Variants in H6PD observed in about 807,000 individuals in gnomAD.
H6PD encodes hexose-6-phosphate dehydrogenase/glucose 1-dehydrogenase.
In H6PD, 48 loss-of-function variants were observed where a neutral mutation model predicts 61.2. That is an observed-to-expected ratio of 0.78 (90% confidence interval 0.62 to 1.00). The LOEUF (loss-of-function observed/expected upper bound fraction) is 1.00, where lower values mean the gene tolerates loss of function less well. Ranked by LOEUF, H6PD falls within the 50% of genes least tolerant of loss-of-function variation. H6PD has a pLI of 0.00. For synonymous variants in H6PD, 480 were observed against 457.9 expected, an observed-to-expected ratio of 1.05 and a Z score of -0.62; for missense variants, 1,093 against 1,065.0, an observed-to-expected ratio of 1.03 and a Z score of -0.37.
At chr1:9,240,814 A>G (rs141841108) in intron 1 of H6PD, among the ~76,000 whole-genome samples, 12 of 152,310 alleles carry the variant, frequency 7.9e-5, no homozygotes, top group African/African-American at 2.9e-4. Context: ...AAGGAGGCAG[A>G]GGGGAGAAGT....
Position 9,262,331 on chromosome 1 carries a change from G to A in H6PD, c.1015+3G>A, listed in dbSNP as rs769701551. On this transcript the variant is annotated splice_donor_region_variant and intron_variant, in intron 4 of 4. Transcript: ENST00000377403. Reference sequence around the variant, plus strand: ...CAGCCTGACGCCGACCTTCGCAGGTGGGCCCTGGGGCTGGGCATGGGGCAC... The same window carrying A: ...CAGCCTGACGCCGACCTTCGCAGGTAGGCCCTGGGGCTGGGCATGGGGCAC... The A allele has an allele frequency of 3.1e-6, 5 of 1,597,650 alleles. 1 individual carries two copies. In the South Asian group the frequency reaches 5.6e-5, roughly 18 times the overall value.
chr1:9,263,578 T>C lies in H6PD; in HGVS notation c.1085T>C (p.Leu362Ser), dbSNP rs1403566415. 12 of 1,614,078 alleles carry C rather than the reference T, an allele frequency of 7.4e-6. No individual in the cohort carries two copies. Among genetic ancestry groups the C allele is most frequent in the Non-Finnish European group, 9.3e-6 (11 of 1,180,022 alleles). ...VPFILMSGKA[L>S]DERVGYARIL... Reference sequence around the variant, plus strand: ...TTCATCCTGATGTCTGGCAAAGCCTTGGACGAGAGAGTGGGCTACGCTCGG... The same window carrying C: ...TTCATCCTGATGTCTGGCAAAGCCTCGGACGAGAGAGTGGGCTACGCTCGG... Residue 362 changes from leucine to serine, a missense_variant, in exon 5 of 5, where the codon TTG (leucine) becomes TCG (serine). Coordinates refer to ENST00000377403, the MANE Select transcript of H6PD (RefSeq NM_004285.4).
chr1:9,264,120 T>A lies in H6PD; in HGVS notation c.1627T>A (p.Phe543Ile). The A allele has an allele frequency of 6.2e-7, 1 of 1,613,838 alleles. No individual in the cohort carries two copies. Among genetic ancestry groups the A allele is most frequent in the Admixed American group, 1.7e-5 (1 of 60,028 alleles). The part of the protein sequence containing the change: ...GPGPAPMPSD[F>I]QVLRAKYRES... ...AGGGCCGGCCCCAATGCCCAGTGAC[T>A]TCCAGGTCCTCAGGGCCAAGTACCG... Residue 543 changes from phenylalanine to isoleucine, a missense_variant, in exon 5 of 5, where the codon TTC becomes ATC. Physicochemically the swap from Phe to Ile is conservative, Grantham distance 21. Coordinates refer to ENST00000377403, the MANE Select transcript of H6PD (RefSeq NM_004285.4).
At position 9,264,334 on chromosome 1, in the gene H6PD, C is replaced by T. The variant is rs763982488; in HGVS notation, c.1841C>T (p.Thr614Met). The T allele has an allele frequency of 5.0e-6, 8 of 1,612,102 alleles. No individual in the cohort carries two copies. Among genetic ancestry groups the T allele is most frequent in the Admixed American group, 3.3e-5 (2 of 60,008 alleles). The change falls in exon 5 of 5, where the codon ACG (threonine) becomes ATG (methionine). Residue 614 changes from threonine to methionine, a missense_variant. Thr to Met is a moderately conservative substitution (Grantham distance 81). Coordinates refer to ENST00000377403, the MANE Select transcript of H6PD (RefSeq NM_004285.4). ...TAHYGFPWAH[T>M]HLWLVDERCV... is the part of the protein sequence containing the mutation. ...CACTATGGCTTCCCCTGGGCCCACA[C>T]GCACCTGTGGCTGGTTGACGAGCGC...
intron 3 of H6PD, among the ~76,000 whole-genome samples, chr1:9,255,215 G>A (rs1433975060): frequency 6.6e-6 from 1 of 152,082 alleles, no homozygotes; most frequent in Non-Finnish European, 1.5e-5. Flanking sequence ...CCCAGGAGTG[G>A]GGTTGCTGGA....
At chr1:9,258,486 C>G (rs1280569733) in intron 3 of H6PD, among the ~76,000 whole-genome samples, 2 of 150,530 alleles carry the variant, frequency 1.3e-5, no homozygotes, top group Non-Finnish European at 3.0e-5. Flanking sequence ...TGTTGTACAC[C>G]ATTGTTATGC....
Position 9,270,732 on chromosome 1 carries a change from C to G in H6PD, c.*5863C>G, listed in dbSNP as rs1014376570. 2.0e-5 allele frequency: 3 copies of G among 152,406 alleles called. No individual in the cohort carries two copies. The highest frequency in any genetic ancestry group is 7.2e-5 in the African/African-American group (3 of 41,458). The allele number at this position is 152,406 out of a possible 1,614,324, so 9.4% of individuals were successfully genotyped here. A position where few individuals can be genotyped will look rare whatever the true frequency, so the allele number is the denominator to read the frequency against. On this transcript the variant is annotated 3_prime_UTR_variant, in exon 5 of 5. Coordinates refer to ENST00000377403, the MANE Select transcript of H6PD (RefSeq NM_004285.4). ...TCTGGATCATGTTTCTGTGCTCTGC[C>G]CCGCGCTAGGGACTCAGGGTCTGGG...
In H6PD at chr1:9,254,149, C is replaced by T. The variant is rs948271013; in HGVS notation, c.745+7066C>T. ...GACGGGTGGATCACTTGAGGTCAGGCGTTCAAGACCAGCCTGGTCAAATGG... is the reference window on the plus strand; with the variant it reads ...GACGGGTGGATCACTTGAGGTCAGGTGTTCAAGACCAGCCTGGTCAAATGG... On this transcript the variant is annotated intron_variant, in intron 3 of 4. Coordinates refer to ENST00000377403, the MANE Select transcript of H6PD (RefSeq NM_004285.4). The surrounding 1 kb of genome is among the most constrained non-coding windows in gnomAD (Gnocchi z 4.6). 3.3e-5 allele frequency among the ~76,000 whole-genome samples: 5 copies of T among 152,012 alleles called. No individual in the cohort carries two copies. The highest frequency in any genetic ancestry group is 5.9e-5 in the Non-Finnish European group (4 of 67,990).
chr1:9,249,877 T>G (rs1641305186), intron 3 of H6PD, among the ~76,000 whole-genome samples: 1 of 152,212 alleles, frequency 6.6e-6, no homozygotes. Flanking sequence ...CCCCAGCAAG[T>G]GGGCCTTGGA....
intron 1 of H6PD, among the ~76,000 whole-genome samples, chr1:9,239,569 A>G (rs970965796): frequency 2.0e-5 from 3 of 152,264 alleles, no homozygotes; most frequent in Middle Eastern, 3.2e-3. Flanking sequence ...TGGCTATTGT[A>G]AAAAGACTAG....
rs1159141614 is a variant in H6PD, at chr1:9,245,940, C to G, written c.627+379C>G. Among the ~76,000 whole-genome samples the G allele has an allele frequency of 2.0e-5, 3 of 151,440 alleles. No homozygotes were observed. The highest frequency in any genetic ancestry group is 2.9e-5 in the Non-Finnish European group (2 of 67,924). ...TCAGAATGAGCTCTCTTCTCCTGCACCCATCCACCTTTTTTTTTTTTTTAG... is the reference window on the plus strand; with the variant it reads ...TCAGAATGAGCTCTCTTCTCCTGCAGCCATCCACCTTTTTTTTTTTTTTAG... On this transcript the variant is annotated intron_variant, in intron 2 of 4. Transcript: ENST00000377403. This position sits in a 1 kb window ranked among gnomAD's most constrained non-coding sequence, Gnocchi z 4.8.
chr1:9,267,732 C>T lies in H6PD; in HGVS notation c.*2863C>T, dbSNP rs969857078. The T allele has an allele frequency of 1.3e-5, 2 of 152,196 alleles. No individual in the cohort carries two copies. Among genetic ancestry groups the T allele is most frequent in the African/African-American group, 4.8e-5 (2 of 41,426 alleles). 9.4% of individuals were successfully genotyped at this position (152,196 alleles called of 1,614,324 possible). A position where few individuals can be genotyped will look rare whatever the true frequency, so the allele number is the denominator to read the frequency against. ...GCCTCCGCCCCTACCCACCCCTTTT[C>T]CTTCAGCTGTGTTAGGAAGGAGAAG... is the stretch of plus-strand genomic sequence containing the variant. On this transcript the variant is annotated 3_prime_UTR_variant, in exon 5 of 5. Transcript: ENST00000377403.
At chr1:9,257,109 T>G (rs1641543783) in intron 3 of H6PD, among the ~76,000 whole-genome samples, 1 of 152,104 alleles carries the variant, frequency 6.6e-6, no homozygotes, top group Non-Finnish European at 1.5e-5. Context: ...GTTCTGTTTA[T>G]TTTGGTCACT....
rs553140887 is a variant in H6PD at position 9,262,102 on chromosome 1, C to T, written c.789C>T (p.Val263=). The change falls in exon 4 of 5, where the codon GTC becomes GTT. Residue 263 remains valine (V), a synonymous_variant. Transcript: ENST00000377403. ...AGGAGTACGGTGTCATTCGCGACGTCCTCCAGAACCATCTGACGGAGGTCC... is the reference window on the plus strand; with the variant it reads ...AGGAGTACGGTGTCATTCGCGACGTTCTCCAGAACCATCTGACGGAGGTCC... ...FYEEYGVIRD[V]LQNHLTEVLT... 4 of 1,614,188 alleles carry T rather than the reference C, an allele frequency of 2.5e-6. No homozygotes were observed. Among genetic ancestry groups the T allele is most frequent in the South Asian group, 1.1e-5 (1 of 91,086 alleles).
intron 1 of H6PD, among the ~76,000 whole-genome samples, chr1:9,244,627 C>G (rs888871436): frequency 6.6e-6 from 1 of 152,228 alleles, no homozygotes; most frequent in African/African-American, 2.4e-5. Flanking sequence ...CTGCGGCCCT[C>G]CCTGGTGGCC....
rs1264647278 is a variant in H6PD at position 9,264,195 on chromosome 1, G to A, written c.1702G>A (p.Ala568Thr). ...AWSEELISKL[A>T]NDIEATAVRA... ...GTCCGAGGAGCTGATCTCTAAGCTG[G>A]CTAATGACATCGAGGCCACCGCTGT... Residue 568 changes from alanine to threonine, a missense_variant, in exon 5 of 5, where the codon GCT becomes ACT. By Grantham distance (58) the Ala-to-Thr change is moderately conservative. Transcript: ENST00000377403. The A allele has an allele frequency of 6.8e-6, 11 of 1,611,516 alleles. No homozygotes were observed. The highest frequency in any genetic ancestry group is 9.3e-6 in the Non-Finnish European group (11 of 1,178,800).
rs3057978 is a variant in H6PD at position 9,266,828 on chromosome 1, CTT to C, written c.*1972_*1973del. 98,198 of 148,136 alleles carry C rather than the reference CTT, an allele frequency of 0.66. 32,950 individuals are homozygous for C. Among genetic ancestry groups the C allele is most frequent in the African/African-American group, 0.8 (32,175 of 40,400 alleles). The allele number at this position is 148,136 out of a possible 1,614,324, so 9.2% of individuals were successfully genotyped here. The stretch of plus-strand genomic sequence containing the variant: ...ACAACCCAGGCCAGACAGAGCATCT[CTT>C]TTTTTTTTTTTTGAGACAGAGTCTC... On this transcript the variant is annotated 3_prime_UTR_variant, in exon 5 of 5. Coordinates refer to ENST00000377403, the MANE Select transcript of H6PD (RefSeq NM_004285.4).
intron 1 of H6PD, among the ~76,000 whole-genome samples, chr1:9,237,470 T>C (rs1262599811): frequency 1.3e-5 from 2 of 152,054 alleles, no homozygotes; most frequent in East Asian, 3.9e-4. Flanking sequence ...CGACCTCCAA[T>C]GATCCTCCTG....
chr1:9,255,729 A>C (rs1641497096), intron 3 of H6PD, among the ~76,000 whole-genome samples: 1 of 152,164 alleles, frequency 6.6e-6, no homozygotes, highest in African/African-American at 2.4e-5. Flanking sequence ...GCACCACCTG[A>C]ATGCACCTGA....
Sources: gnomAD v4.1 joint callset for allele counts (sites outside exome capture counted in the v4.1 genomes callset) on GRCh38, gnomAD v4.1.1 for gene constraint, Gnocchi (gnomAD v3.1) non-coding constraint, MANE v1.5 for transcripts, NCBI Gene and HGNC (gene_info 2026-07-23, HGNC 2026-07-21) for gene names.